The following CNTNAP2 variants were observed in gnomAD, a reference collection of about 807,000 sequenced individuals.
CNTNAP2 encodes contactin associated protein 2, also known as contactin-associated protein-like 2.
CNTNAP2 carries 98 observed loss-of-function variants against 155.2 expected under a neutral mutation model. The ratio of observed to expected loss-of-function variants is 0.63; its 90% CI spans 0.54 to 0.75. The LOEUF (loss-of-function observed/expected upper bound fraction) is 0.75. Ranked by LOEUF, CNTNAP2 falls within the 30% of genes least tolerant of loss-of-function variation. The pLI, the probability that CNTNAP2 is intolerant of heterozygous loss-of-function variation, is 0.00. For synonymous variants in CNTNAP2, 651 were observed against 631.2 expected (o/e 1.03, Z -0.47); for missense variants, 1,727 against 1,688.1 (o/e 1.02, Z -0.40).
intron 1 of CNTNAP2, among the ~76,000 whole-genome samples, chr7:146,377,066 A>C (rs1795313937): frequency 6.6e-6 from 1 of 152,200 alleles, no homozygotes; most frequent in South Asian, 2.1e-4. Context: ...ATTTTGTTTT[A>C]GCAGCACAAA....
intron 4 of CNTNAP2, among the ~76,000 whole-genome samples, chr7:147,104,202 A>G (rs1287105955): frequency 1.3e-5 from 2 of 152,112 alleles, no homozygotes; most frequent in Non-Finnish European, 2.9e-5. Context: ...TTTTCTCTAA[A>G]TCTAAAATTT....
At chr7:146,961,310 A>G (rs1456518432) in intron 3 of CNTNAP2, among the ~76,000 whole-genome samples, 2 of 152,182 alleles carry the variant, frequency 1.3e-5, no homozygotes, top group East Asian at 1.9e-4. Context: ...GTGCCAATAA[A>G]GAATGCAACC....
chr7:147,032,932 A>T (rs1799063872), intron 3 of CNTNAP2, among the ~76,000 whole-genome samples: 1 of 151,954 alleles, frequency 6.6e-6, no homozygotes, highest in Admixed American at 6.6e-5. Flanking sequence ...TCATCATGTG[A>T]TGCCCCTAAA....
intron 1 of CNTNAP2, among the ~76,000 whole-genome samples, chr7:146,609,027 C>G (rs1402909545): frequency 1.3e-5 from 2 of 152,052 alleles, no homozygotes; most frequent in Non-Finnish European, 2.9e-5. Flanking sequence ...AACTGCTTTC[C>G]CAAGACCATG....
chr7:147,165,821 A>G (rs887894514), intron 8 of CNTNAP2, among the ~76,000 whole-genome samples: 5 of 152,034 alleles, frequency 3.3e-5, no homozygotes, highest in African/African-American at 4.8e-5. Flanking sequence ...GTTTTGTTCC[A>G]CTGGTCTGCA....
chr7:146,749,724 G>T (rs563560321), intron 1 of CNTNAP2, among the ~76,000 whole-genome samples: 2 of 152,152 alleles, frequency 1.3e-5, no homozygotes, highest in South Asian at 4.1e-4. Flanking sequence ...GAAATACTAA[G>T]TTTAAACAAA....
chr7:146,600,103 G>T (rs983040373), intron 1 of CNTNAP2, among the ~76,000 whole-genome samples: 3 of 151,878 alleles, frequency 2.0e-5, no homozygotes, highest in African/African-American at 2.4e-5. Flanking sequence ...CACAATACTG[G>T]TTAAAGAGGT....
intron 1 of CNTNAP2, among the ~76,000 whole-genome samples, chr7:146,417,079 A>T (rs1795947846): frequency 6.6e-6 from 1 of 152,088 alleles, no homozygotes; most frequent in Non-Finnish European, 1.5e-5. Context: ...ATTTGATAGA[A>T]ATTAGGGGAC....
At chr7:146,592,432 T>A (rs1388717750) in intron 1 of CNTNAP2, among the ~76,000 whole-genome samples, 1 of 152,200 alleles carries the variant, frequency 6.6e-6, no homozygotes, top group African/African-American at 2.4e-5. Context: ...CTGCCTGCTT[T>A]CCTGCCTGCT....
At chr7:147,745,625 C>G (rs1344679204) in intron 13 of CNTNAP2, among the ~76,000 whole-genome samples, 1 of 152,100 alleles carries the variant, frequency 6.6e-6, no homozygotes, top group African/African-American at 2.4e-5. Flanking sequence ...TTTCAGATAG[C>G]CAGAATATAT....
chr7:148,273,420 C>G (rs959183384), intron 21 of CNTNAP2, among the ~76,000 whole-genome samples: 8 of 152,210 alleles, frequency 5.3e-5, no homozygotes, highest in Non-Finnish European at 1.0e-4. Flanking sequence ...ATCACCACAT[C>G]ACTGTGAGTT....
chr7:147,918,669 A>G (rs1382482834), intron 14 of CNTNAP2, among the ~76,000 whole-genome samples: 1 of 152,060 alleles, frequency 6.6e-6, no homozygotes, highest in African/African-American at 2.4e-5. Flanking sequence ...ACCTTTTTTC[A>G]TCAGGACTAG....
At chr7:147,449,055 C>T (rs1235611512) in intron 10 of CNTNAP2, among the ~76,000 whole-genome samples, 1 of 152,144 alleles carries the variant, frequency 6.6e-6, no homozygotes, top group Non-Finnish European at 1.5e-5. Context: ...ACCAAAGGCA[C>T]TTTTCCTTTG....
intron 1 of CNTNAP2, among the ~76,000 whole-genome samples, chr7:146,451,674 A>T (rs1639473): frequency 6.6e-6 from 1 of 151,898 alleles, no homozygotes; most frequent in African/African-American, 2.4e-5. Flanking sequence ...TGAGCTTTCT[A>T]TACCTCACAA....
chr7:146,320,537 T>A (rs934252905), intron 1 of CNTNAP2, among the ~76,000 whole-genome samples: 1 of 152,172 alleles, frequency 6.6e-6, no homozygotes. Flanking sequence ...TGAATTGATC[T>A]TCCTTCCCTT....
chr7:147,891,322 G>A (rs190391774), intron 13 of CNTNAP2, among the ~76,000 whole-genome samples: 150 of 151,838 alleles, frequency 9.9e-4, no homozygotes, highest in African/African-American at 3.5e-3. Context: ...CTCCTTCCGC[G>A]GCCTCCCGAG....
intron 13 of CNTNAP2, among the ~76,000 whole-genome samples, chr7:147,684,287 C>T (rs73741220): frequency 0.029 from 4,450 of 151,830 alleles, 224 homozygotes; most frequent in African/African-American, 0.1. Flanking sequence ...ACATTCATTC[C>T]AGCTTCACCT....
intron 3 of CNTNAP2, among the ~76,000 whole-genome samples, chr7:146,963,607 T>A (rs966746496): frequency 9.2e-5 from 14 of 152,152 alleles, no homozygotes; most frequent in Admixed American, 2.0e-4. Context: ...TTAATTCAGA[T>A]TTTTTTGACA....
intron 21 of CNTNAP2, among the ~76,000 whole-genome samples, chr7:148,324,655 G>A (rs550349709): frequency 2.0e-4 from 30 of 152,152 alleles, no homozygotes; most frequent in Middle Eastern, 3.4e-3. Context: ...AAAATTAGCT[G>A]GGCATGGTGG....
Sources: gnomAD v4.1 joint callset for allele counts (sites outside exome capture counted in the v4.1 genomes callset) on GRCh38, gnomAD v4.1.1 for gene constraint, MANE v1.5 for transcripts, NCBI Gene and HGNC (gene_info 2026-07-23, HGNC 2026-07-21) for gene names.